Variants in CAMTA1 observed in about 807,000 individuals in gnomAD.
The protein encoded by CAMTA1 is calmodulin-binding transcription activator 1.
Under a neutral mutation model 170.9 loss-of-function variants are expected in CAMTA1, and 27 were observed. That is an observed-to-expected ratio of 0.16 (90% CI 0.12 to 0.22). CAMTA1 has a LOEUF of 0.22. Among genes scored for constraint, CAMTA1 ranks in the 10% least tolerant of loss-of-function variants. The probability of loss-of-function intolerance (pLI) is 1.00; values close to 1 mark genes in which losing one functional copy is unlikely to be tolerated. For missense variants in CAMTA1, 1,619 were observed against 2,217.2 expected, an observed-to-expected ratio of 0.73 and a Z score of 5.42; for synonymous variants, 833 against 891.5, an observed-to-expected ratio of 0.93 and a Z score of 1.17.
At chr1:7,624,156 A>C (rs1470740310) in intron 6 of CAMTA1, among the ~76,000 whole-genome samples, 1 of 152,252 alleles carries the variant, frequency 6.6e-6, no homozygotes, top group Non-Finnish European at 1.5e-5. Flanking sequence ...ACCTAAAAAC[A>C]AACAGGGAGC....
chr1:7,346,029 G>A (rs923495881), intron 5 of CAMTA1, among the ~76,000 whole-genome samples: 1 of 152,208 alleles, frequency 6.6e-6, no homozygotes, highest in African/African-American at 2.4e-5. Flanking sequence ...CCAGGGACCA[G>A]CCCAGCTGGC....
chr1:7,495,714 G>A (rs1575616591), intron 6 of CAMTA1, among the ~76,000 whole-genome samples: 2 of 152,192 alleles, frequency 1.3e-5, no homozygotes, highest in African/African-American at 2.4e-5. Flanking sequence ...GGCCAGGTGC[G>A]GAATGAAAAT....
At chr1:7,198,425 T>C (rs1655980950) in intron 4 of CAMTA1, among the ~76,000 whole-genome samples, 1 of 152,042 alleles carries the variant, frequency 6.6e-6, no homozygotes, top group Non-Finnish European at 1.5e-5. Context: ...AGCTGGGTGC[T>C]GACCTGTGTG....
chr1:6,899,550 GCGCGCACACACACACACACA>G (rs1676438100), intron 3 of CAMTA1, among the ~76,000 whole-genome samples: 8 of 85,200 alleles, frequency 9.4e-5, no homozygotes, highest in African/African-American at 3.3e-4. Context: ...GCGCACGCGC[GCGCGCACACACACACACACA>G]CACACACACA....
intron 6 of CAMTA1, among the ~76,000 whole-genome samples, chr1:7,504,218 C>A (rs1253280678): frequency 6.6e-6 from 1 of 152,252 alleles, no homozygotes; most frequent in African/African-American, 2.4e-5. Flanking sequence ...TCCTGCCAGG[C>A]TCTGCTGCCC....
At chr1:7,493,029 GCA>G (rs1299243819) in intron 6 of CAMTA1, among the ~76,000 whole-genome samples, 4 of 104,238 alleles carry the variant, frequency 3.8e-5, no homozygotes, top group Admixed American at 2.0e-4. Flanking sequence ...ACACATGCAC[GCA>G]CACACAAACA....
rs536532876 is a variant in CAMTA1, at chr1:7,567,018, TG to T, written c.511-73379del. Among the ~76,000 whole-genome samples the T allele has an allele frequency of 8.5e-5, 13 of 152,300 alleles. No homozygotes were observed. The South Asian group carries it at 2.7e-3, about 32-fold the overall frequency. ...GTGTGTCCCACCCTGGGTCAGGGTC[TG>T]GGATGGAGGAGGCTCAGAGCAGACA... On this transcript the variant is annotated intron_variant, in intron 6 of 22. Transcript: ENST00000303635.
intron 5 of CAMTA1, among the ~76,000 whole-genome samples, chr1:7,322,491 T>C (rs1040485923): frequency 2.6e-5 from 4 of 152,266 alleles, no homozygotes; most frequent in African/African-American, 4.8e-5. Flanking sequence ...AAACTTTATT[T>C]ATAAAAACAG....
At chr1:7,539,378 A>G (rs1358742062) in intron 6 of CAMTA1, among the ~76,000 whole-genome samples, 1 of 152,226 alleles carries the variant, frequency 6.6e-6, no homozygotes, top group African/African-American at 2.4e-5. Context: ...GGTTTTTCTT[A>G]AAGAAATATT....
At chr1:7,040,381 G>C (rs1011259107) in intron 3 of CAMTA1, among the ~76,000 whole-genome samples, 1 of 152,158 alleles carries the variant, frequency 6.6e-6, no homozygotes, top group Non-Finnish European at 1.5e-5. Context: ...ATGGCTTTAC[G>C]TGACGGACTG....
At chr1:7,526,568 CGGA>C (rs1187366562) in intron 6 of CAMTA1, among the ~76,000 whole-genome samples, 1 of 152,214 alleles carries the variant, frequency 6.6e-6, no homozygotes, top group African/African-American at 2.4e-5. Flanking sequence ...CATTGGAAGG[CGGA>C]GGAGTCCTGG....
In CAMTA1 at chr1:7,766,661, T is replaced by G; in HGVS notation, c.*170T>G. 1.8e-6 allele frequency: 1 copy of G among 563,846 alleles called. No homozygotes were observed. The highest frequency in any genetic ancestry group is 2.9e-5 in the East Asian group (1 of 33,926). 34.9% of individuals were successfully genotyped at this position (563,846 alleles called of 1,614,324 possible). A position where few individuals can be genotyped will look rare whatever the true frequency, so the allele number is the denominator to read the frequency against. On this transcript the variant is annotated 3_prime_UTR_variant, in exon 23 of 23. Transcript: ENST00000303635. ...TTTTGGGGAGATCAGCTGCAGGATT[T>G]TAACAGGAATGTTTTGGTCATTGCA...
chr1:7,565,552 G>C lies in CAMTA1; in HGVS notation c.511-74848G>C, dbSNP rs184485326. Among the ~76,000 whole-genome samples, 3 of 152,150 alleles carry C rather than the reference G, an allele frequency of 2.0e-5. No individual in the cohort carries two copies. The highest frequency in any genetic ancestry group is 1.9e-4 in the East Asian group (1 of 5,170). On this transcript the variant is annotated intron_variant, in intron 6 of 22. Coordinates refer to ENST00000303635, the MANE Select transcript of CAMTA1 (RefSeq NM_015215.4). The surrounding 1 kb of genome is among the most constrained non-coding windows in gnomAD (Gnocchi z 4.5). ...TCTAGGCTGTCCGGAACAGCAGGAC[G>C]GGGCTGGCAGAGCTTGGGACCCTCG...
chr1:7,085,613 G>A (rs1558074827), intron 3 of CAMTA1, among the ~76,000 whole-genome samples: 2 of 152,404 alleles, frequency 1.3e-5, no homozygotes, highest in African/African-American at 2.4e-5. Context: ...TCCCCTGGGA[G>A]GGGCTGGGCG....
intron 5 of CAMTA1, among the ~76,000 whole-genome samples, chr1:7,404,502 C>T (rs1385450189): frequency 1.3e-5 from 2 of 152,258 alleles, no homozygotes; most frequent in Non-Finnish European, 2.9e-5. Flanking sequence ...GGCCTGTTGC[C>T]ACGCACAGAG....
intron 5 of CAMTA1, among the ~76,000 whole-genome samples, chr1:7,412,236 T>C (rs1230186339): frequency 6.6e-6 from 1 of 152,148 alleles, no homozygotes; most frequent in Non-Finnish European, 1.5e-5. Flanking sequence ...CGTGTGTCTT[T>C]ATAGCAGCAT....
At chr1:7,515,045 C>T (rs2094262109) in intron 6 of CAMTA1, among the ~76,000 whole-genome samples, 1 of 150,686 alleles carries the variant, frequency 6.6e-6, no homozygotes, top group Non-Finnish European at 1.5e-5. Context: ...TGGTCCTTCC[C>T]GGCTCCCTCC....
chr1:7,552,843 G>C (rs1394625095), intron 6 of CAMTA1, among the ~76,000 whole-genome samples: 1 of 152,212 alleles, frequency 6.6e-6, no homozygotes, highest in Middle Eastern at 3.2e-3. Context: ...GAGTCACAGT[G>C]AACCAGGAGG....
At chr1:7,473,156 C>A (rs1462603256) in intron 6 of CAMTA1, among the ~76,000 whole-genome samples, 1 of 152,016 alleles carries the variant, frequency 6.6e-6, no homozygotes, top group Non-Finnish European at 1.5e-5. Context: ...GCAGGGTTTC[C>A]TAGGGTAGTT....
Sources: gnomAD v4.1 joint callset for allele counts (sites outside exome capture counted in the v4.1 genomes callset) on GRCh38, gnomAD v4.1.1 for gene constraint, Gnocchi (gnomAD v3.1) non-coding constraint, MANE v1.5 for transcripts, NCBI Gene and HGNC (gene_info 2026-07-23, HGNC 2026-07-21) for gene names.